LIMCH1: variants seen among roughly 807,000 people sequenced by gnomAD.
LIMCH1 encodes the protein LIM and calponin homology domains 1.
Under a neutral mutation model 176.5 loss-of-function variants are expected in LIMCH1, and 113 were observed. The ratio of observed to expected loss-of-function variants is 0.64; its 90% CI spans 0.55 to 0.75. The LOEUF (loss-of-function observed/expected upper bound fraction) is 0.75. Among genes scored for constraint, LIMCH1 ranks in the 30% least tolerant of loss-of-function variants. The pLI, the probability that LIMCH1 is intolerant of heterozygous loss-of-function variation, is 0.00. For synonymous variants in LIMCH1, 619 were observed against 645.9 expected (o/e 0.96, Z 0.63); for missense variants, 1,674 against 1,814.9 (o/e 0.92, Z 1.41).
At chr4:41,666,517 A>G (rs372125655) in intron 20 of LIMCH1, 44 bp from the exon 21 acceptor site, 14 of 1,258,680 alleles carry the variant, frequency 1.1e-5, no homozygotes, top group Admixed American at 5.1e-5. Flanking sequence ...GCATTTATCA[A>G]TGGACAGTTC....
At chr4:41,450,865 T>C (rs2063796750) in intron 1 of LIMCH1, among the ~76,000 whole-genome samples, 1 of 151,298 alleles carries the variant, frequency 6.6e-6, no homozygotes, top group African/African-American at 2.4e-5. Context: ...ACTTACATAC[T>C]TGAATTTGTC....
chr4:41,565,317 A>T (rs1212435232), intron 1 of LIMCH1, among the ~76,000 whole-genome samples: 1 of 150,840 alleles, frequency 6.6e-6, no homozygotes, highest in African/African-American at 2.4e-5. Context: ...GCATCTTAGG[A>T]AAGATAGTTA....
intron 1 of LIMCH1, among the ~76,000 whole-genome samples, chr4:41,464,925 C>G (rs543393675): frequency 2.6e-5 from 4 of 151,922 alleles, no homozygotes; most frequent in Non-Finnish European, 5.9e-5. Context: ...AATCTACTCC[C>G]TCATCACAGT....
At chr4:41,487,653 CTTTTTTTT>C (rs149754932) in intron 1 of LIMCH1, among the ~76,000 whole-genome samples, 1 of 108,148 alleles carries the variant, frequency 9.2e-6, no homozygotes, top group African/African-American at 3.8e-5. Context: ...TTTTTATATT[CTTTTTTTT>C]TTTTTTTTTT....
At chr4:41,473,491 C>G (rs78991378) in intron 1 of LIMCH1, among the ~76,000 whole-genome samples, 7,408 of 152,296 alleles carry the variant, frequency 0.049, 231 homozygotes, top group African/African-American at 0.086. Flanking sequence ...TACTGATCAC[C>G]TCCCTTGCAG....
chr4:41,612,593 A>G (rs760265817), intron 4 of LIMCH1: 6 of 702,488 alleles, frequency 8.5e-6, no homozygotes, highest in South Asian at 3.0e-5. Context: ...GGCTTTTATT[A>G]TAATACGAGG....
At chr4:41,631,125 A>G (rs1300385530) in intron 9 of LIMCH1, 23 bp from the exon 10 acceptor site, 1 of 1,470,636 alleles carries the variant, frequency 6.8e-7, no homozygotes, top group Non-Finnish European at 9.0e-7. Flanking sequence ...ACACTTTTAG[A>G]ACTTATTTCT....
rs187425669 is a variant in LIMCH1 at position 41,697,018 on chromosome 4, A to G, written c.4379-142A>G. 1,307 of 773,196 alleles carry G rather than the reference A, an allele frequency of 1.7e-3. No individual in the cohort carries two copies. The highest frequency in any genetic ancestry group is 2.4e-3 in the Non-Finnish European group (1,073 of 449,448). 47.9% of individuals were successfully genotyped at this position (773,196 alleles called of 1,614,324 possible). ...CTACTTGTCCTGGGGCCACACTTCA[A>G]GTAGCAGGATGGGAGAAGTTTCTGG... On this transcript the variant is annotated intron_variant, in intron 31 of 31. Transcript: ENST00000503057.
At chr4:41,624,249 T>C (rs2092785549) in intron 7 of LIMCH1, among the ~76,000 whole-genome samples, 1 of 152,160 alleles carries the variant, frequency 6.6e-6, no homozygotes, top group Admixed American at 6.5e-5. Flanking sequence ...TCTGCTAGTC[T>C]GTGGATCTTC....
intron 1 of LIMCH1, among the ~76,000 whole-genome samples, chr4:41,575,322 G>A (rs189343540): frequency 5.9e-5 from 9 of 152,256 alleles, no homozygotes; most frequent in Non-Finnish European, 1.3e-4. Flanking sequence ...CTGCCTCACC[G>A]CAAATGCAAT....
At chr4:41,540,319 G>T (rs954433778) in intron 1 of LIMCH1, among the ~76,000 whole-genome samples, 1 of 152,156 alleles carries the variant, frequency 6.6e-6, no homozygotes, top group Non-Finnish European at 1.5e-5. Flanking sequence ...AACTTTGGCT[G>T]TTGGGATAAA....
chr4:41,566,148 G>C (rs1292787144), intron 1 of LIMCH1, among the ~76,000 whole-genome samples: 1 of 152,086 alleles, frequency 6.6e-6, no homozygotes. Flanking sequence ...AGGCCATATG[G>C]GTGGTCATGT....
At chr4:41,648,573 G>A (rs2094155315) in intron 17 of LIMCH1, among the ~76,000 whole-genome samples, 2 of 152,034 alleles carry the variant, frequency 1.3e-5, no homozygotes, top group African/African-American at 2.4e-5. Context: ...TGCATGGACA[G>A]CAACTTTGGT....
chr4:41,518,245 C>T (rs1465902679), intron 2 of LIMCH1, among the ~76,000 whole-genome samples: 1 of 152,120 alleles, frequency 6.6e-6, no homozygotes, highest in Non-Finnish European at 1.5e-5. Flanking sequence ...TAATTCCTAA[C>T]GTCTAGATGG....
chr4:41,381,112 C>G (rs2055594486), intron 1 of LIMCH1, among the ~76,000 whole-genome samples: 1 of 152,208 alleles, frequency 6.6e-6, no homozygotes, highest in Admixed American at 6.5e-5. Flanking sequence ...CACTGAATGC[C>G]AGGCACTGAA....
chr4:41,689,971 AATGTCT>A (rs1477020761), intron 30 of LIMCH1, among the ~76,000 whole-genome samples: 6 of 152,224 alleles, frequency 3.9e-5, no homozygotes, highest in African/African-American at 1.4e-4. Context: ...TTTGGAATGT[AATGTCT>A]ATGCTGTTTC....
chr4:41,527,634 G>A (rs533216727), intron 3 of LIMCH1, among the ~76,000 whole-genome samples: 1 of 152,108 alleles, frequency 6.6e-6, no homozygotes, highest in South Asian at 2.1e-4. Flanking sequence ...AGGAGATTGC[G>A]ACCACGGTAA....
At chr4:41,558,471 C>T (rs1041857797) in intron 1 of LIMCH1, among the ~76,000 whole-genome samples, 17 of 152,306 alleles carry the variant, frequency 1.1e-4, no homozygotes, top group African/African-American at 4.1e-4. Context: ...ATGTTACAAT[C>T]CATATTCCTT....
At chr4:41,680,716 T>G (rs963483932) in intron 24 of LIMCH1, among the ~76,000 whole-genome samples, 1 of 152,240 alleles carries the variant, frequency 6.6e-6, no homozygotes, top group African/African-American at 2.4e-5. Context: ...CTTCTTGTAT[T>G]ACTCTAACTA....
Sources: gnomAD v4.1 joint callset for allele counts (sites outside exome capture counted in the v4.1 genomes callset) on GRCh38, gnomAD v4.1.1 for gene constraint, MANE v1.5 for transcripts, NCBI Gene and HGNC (gene_info 2026-07-23, HGNC 2026-07-21) for gene names.